ATAD2B: variants seen among roughly 807,000 people sequenced by gnomAD.
ATAD2B encodes the protein ATPase family AAA domain-containing protein 2B.
ATAD2B carries 40 observed loss-of-function variants against 167.6 expected under a neutral mutation model. The observed-to-expected ratio is 0.24, with a 90% CI of 0.19 to 0.31. The LOEUF (loss-of-function observed/expected upper bound fraction) is 0.31. Ranked by LOEUF, ATAD2B falls within the 10% of genes least tolerant of loss-of-function variation. The pLI, the probability that ATAD2B is intolerant of heterozygous loss-of-function variation, is 1.00. For synonymous variants in ATAD2B, 579 were observed against 596.5 expected, an observed-to-expected ratio of 0.97 and a Z score of 0.43; for missense variants, 1,242 against 1,757.2, an observed-to-expected ratio of 0.71 and a Z score of 5.24.
intron 9 of ATAD2B, among the ~76,000 whole-genome samples, chr2:23,868,926 A>G (rs1381301670): frequency 6.6e-6 from 1 of 152,200 alleles, no homozygotes; most frequent in Non-Finnish European, 1.5e-5. Flanking sequence ...ATATTATCAA[A>G]GTAGATTATC....
Position 23,880,628 on chromosome 2 carries a change from G to T in ATAD2B, c.901+11C>A, listed in dbSNP as rs1388606594. 1.9e-5 allele frequency: 28 copies of T among 1,473,116 alleles called. No individual in the cohort carries two copies. The highest frequency in any genetic ancestry group is 2.6e-5 in the Non-Finnish European group (28 of 1,070,270). 91.3% of individuals were successfully genotyped at this position (1,473,116 alleles called of 1,614,324 possible). A position where few individuals can be genotyped will look rare whatever the true frequency, so the allele number is the denominator to read the frequency against. On this transcript the variant is annotated intron_variant, in intron 7 of 27. Transcript: ENST00000238789. ...CTACCAGAAAGAAAAAAGTTATTTA[G>T]AGTTGCCTACCTATTGGAGGTGCTT... is the stretch of plus-strand genomic sequence containing the variant.
intron 25 of ATAD2B, among the ~76,000 whole-genome samples, chr2:23,756,547 C>T (rs575569337): frequency 6.6e-6 from 1 of 152,156 alleles, no homozygotes; most frequent in African/African-American, 2.4e-5. Flanking sequence ...TAGATATCAA[C>T]TCATCCCAGA....
At chr2:23,764,210 TG>T (rs1020076852) in intron 23 of ATAD2B, among the ~76,000 whole-genome samples, 35 of 152,372 alleles carry the variant, frequency 2.3e-4, no homozygotes, top group African/African-American at 8.4e-4. Flanking sequence ...GCTTTTAAAC[TG>T]ATCTTTCATC....
chr2:23,899,457 G>C (rs1345674678), intron 1 of ATAD2B, among the ~76,000 whole-genome samples: 1 of 152,118 alleles, frequency 6.6e-6, no homozygotes, highest in Non-Finnish European at 1.5e-5. Flanking sequence ...CCCAAGAAAA[G>C]CCAGCTAGCT....
At chr2:23,765,394 T>C in intron 23 of ATAD2B, 112 bp downstream of exon 23, 1 of 892,854 alleles carries the variant, frequency 1.1e-6, no homozygotes, top group South Asian at 3.8e-5. Flanking sequence ...AATAAATACA[T>C]TAAATACATT....
chr2:23,814,386 T>A (rs1261588813), intron 17 of ATAD2B, among the ~76,000 whole-genome samples: 1 of 152,114 alleles, frequency 6.6e-6, no homozygotes, highest in African/African-American at 2.4e-5. Context: ...AAAGTTAATA[T>A]ACAAATTACC....
At position 23,888,415 on chromosome 2, in the gene ATAD2B, AT is replaced by A; in HGVS notation, c.369-17del. ...AGAAGTTAACCTAGAACACAATAAT[AT>A]TTAATATGCAAACACATCAACATTT... On this transcript the variant is annotated splice_polypyrimidine_tract_variant and intron_variant, in intron 2 of 27. Coordinates refer to ENST00000238789, the MANE Select transcript of ATAD2B (RefSeq NM_017552.4). 1 of 1,521,646 alleles carries A rather than the reference AT, an allele frequency of 6.6e-7. No homozygotes were observed. Among genetic ancestry groups the A allele is most frequent in the Non-Finnish European group, 8.9e-7 (1 of 1,124,438 alleles). The allele number at this position is 1,521,646 out of a possible 1,614,324, so 94.3% of individuals were successfully genotyped here.
At chr2:23,915,396 C>T (rs1702889417) in intron 1 of ATAD2B, among the ~76,000 whole-genome samples, 1 of 150,644 alleles carries the variant, frequency 6.6e-6, no homozygotes, top group Non-Finnish European at 1.5e-5. Flanking sequence ...GGTCACCCTA[C>T]CTATTAACCA....
At chr2:23,808,130 A>AAGTAATTATATATATAATTATTATATG (rs1684915862) in intron 18 of ATAD2B, among the ~76,000 whole-genome samples, 3 of 117,312 alleles carry the variant, frequency 2.6e-5, no homozygotes, top group African/African-American at 3.4e-5. Flanking sequence ...ATTATTATAT[A>AAGTAATTATATATATAATTATTATATG]TAAGTGATTA....
intron 17 of ATAD2B, among the ~76,000 whole-genome samples, chr2:23,815,560 G>C (rs1385270329): frequency 6.6e-6 from 1 of 152,144 alleles, no homozygotes; most frequent in African/African-American, 2.4e-5. Flanking sequence ...ATCTAGGCTT[G>C]AGAACAAAAT....
chr2:23,887,135 G>A (rs544926528), intron 4 of ATAD2B, among the ~76,000 whole-genome samples: 2 of 151,892 alleles, frequency 1.3e-5, no homozygotes, highest in East Asian at 1.9e-4. Context: ...ATGGTGGCAC[G>A]CGCCTATAGT....
chr2:23,891,498 T>A (rs1699480225), intron 2 of ATAD2B, among the ~76,000 whole-genome samples: 1 of 151,880 alleles, frequency 6.6e-6, no homozygotes, highest in South Asian at 2.1e-4. Flanking sequence ...TTATTTATTA[T>A]TTATTATTTT....
intron 2 of ATAD2B, among the ~76,000 whole-genome samples, chr2:23,894,920 C>A (rs1324363588): frequency 3.9e-5 from 6 of 152,086 alleles, no homozygotes; most frequent in Non-Finnish European, 7.4e-5. Context: ...TACAGAGACC[C>A]CTTAGGGACT....
intron 13 of ATAD2B, among the ~76,000 whole-genome samples, chr2:23,845,022 A>T (rs1691520672): frequency 6.6e-6 from 1 of 152,166 alleles, no homozygotes; most frequent in Non-Finnish European, 1.5e-5. Context: ...ATAGAAATAA[A>T]AGCATAATTC....
the ATAD2B span, chr2:23,692,014 G>T: frequency 1.3e-6 from 1 of 780,290 alleles, no homozygotes; most frequent in Non-Finnish European, 2.0e-6. Context: ...GTTTGGCAGG[G>T]CTGTTTTAAG....
chr2:23,693,592 T>C, the ATAD2B span: 561 of 1,483,120 alleles, frequency 3.8e-4, no homozygotes, highest in Middle Eastern at 5.1e-4. Context: ...GGCAATGGGG[T>C]CTGCAGCAAG....
At chr2:23,915,300 GAGGGCATTA>G (rs1231179225) in intron 1 of ATAD2B, among the ~76,000 whole-genome samples, 1 of 152,032 alleles carries the variant, frequency 6.6e-6, no homozygotes, top group Admixed American at 6.6e-5. Flanking sequence ...ATAGAGGGTT[GAGGGCATTA>G]ATAATTATTT....
the ATAD2B span, among the ~76,000 whole-genome samples, chr2:23,687,956 C>T: frequency 2.0e-5 from 3 of 152,122 alleles, no homozygotes; most frequent in Non-Finnish European, 4.4e-5. Flanking sequence ...TCCCAGCCTG[C>T]GGCCGAGTCC....
At chr2:23,791,976 T>C (rs1157815667) in intron 19 of ATAD2B, among the ~76,000 whole-genome samples, 2 of 152,190 alleles carry the variant, frequency 1.3e-5, no homozygotes, top group African/African-American at 4.8e-5. Context: ...CTATACAATT[T>C]TACATTCCCA....
Sources: allele counts gnomAD v4.1 joint callset (sites outside exome capture counted in the v4.1 genomes callset), GRCh38; gene constraint gnomAD v4.1.1; transcripts MANE v1.5; gene names NCBI Gene and HGNC (gene_info 2026-07-23, HGNC 2026-07-21).